The following DNAJC11 variants were observed in gnomAD, a reference collection of about 807,000 sequenced individuals.
The protein encoded by DNAJC11 is dnaJ homolog subfamily C member 11.
A neutral mutation model predicts 78.6 loss-of-function variants in DNAJC11; 15 were observed. The ratio of observed to expected loss-of-function variants is 0.19; its 90% confidence interval spans 0.13 to 0.29. The LOEUF (loss-of-function observed/expected upper bound fraction) is 0.29, where lower values mean the gene tolerates loss of function less well. Ranked by LOEUF, DNAJC11 falls within the 10% of genes least tolerant of loss-of-function variation. DNAJC11 has a pLI of 1.00. For synonymous variants in DNAJC11, 292 were observed against 272.1 expected, an observed-to-expected ratio of 1.07 and a Z score of -0.72; for missense variants, 547 against 709.6, an observed-to-expected ratio of 0.77 and a Z score of 2.60.
intron 4 of DNAJC11, 126 bp from the exon 5 acceptor site, chr1:6,654,165 A>C (rs1642095198): frequency 8.4e-7 from 1 of 1,195,696 alleles, no homozygotes. Flanking sequence ...CACTGGGTTT[A>C]GGTAGGACAC....
At position 6,635,825 on chromosome 1, in the gene DNAJC11, C is replaced by T. The variant is rs888356050; in HGVS notation, c.1655-125G>A. The T allele has an allele frequency of 2.5e-6, 3 of 1,222,142 alleles. No individual in the cohort carries two copies. The Admixed American group carries it at 6.5e-5, about 26-fold the overall frequency. The allele number at this position is 1,222,142 out of a possible 1,614,324, so 75.7% of individuals were successfully genotyped here. On this transcript the variant is annotated intron_variant, in intron 15 of 15. Coordinates refer to ENST00000377577, the MANE Select transcript of DNAJC11 (RefSeq NM_018198.4). ...GGGCCCAGGCGAGGCAGAGCACCCG[C>T]TGCTGAAAATCAACTGCTGCTGGAA... is the stretch of plus-strand genomic sequence containing the variant.
intron 4 of DNAJC11, among the ~76,000 whole-genome samples, chr1:6,658,049 G>A (rs901077786): frequency 2.6e-5 from 4 of 152,180 alleles, no homozygotes; most frequent in Admixed American, 2.6e-4. Context: ...ATCTTCACCA[G>A]GACTAGGTTC....
At chr1:6,642,001 G>C (rs1450268427) in intron 10 of DNAJC11, among the ~76,000 whole-genome samples, 1 of 152,140 alleles carries the variant, frequency 6.6e-6, no homozygotes, top group Non-Finnish European at 1.5e-5. Context: ...GGTGAATTAG[G>C]GGACATTTGA....
At chr1:6,644,530 T>C (rs1301904798) in intron 10 of DNAJC11, 28 bp downstream of exon 10, 1 of 1,502,218 alleles carries the variant, frequency 6.7e-7, no homozygotes, top group Non-Finnish European at 9.3e-7. Context: ...AGGCATTCCT[T>C]GACCCGAAAG....
chr1:6,637,815 AC>A, intron 12 of DNAJC11: 2 of 502,064 alleles, frequency 4.0e-6, no homozygotes, highest in Admixed American at 3.5e-5. Context: ...CAATAAAAAA[AC>A]AATGCGTTGT....
chr1:6,644,022 C>T (rs1260202817), intron 10 of DNAJC11, among the ~76,000 whole-genome samples: 1 of 152,068 alleles, frequency 6.6e-6, no homozygotes, highest in African/African-American at 2.4e-5. Context: ...AGGCACCCGC[C>T]ACCACCCCTG....
chr1:6,643,742 G>A (rs566658329), intron 10 of DNAJC11, among the ~76,000 whole-genome samples: 48 of 152,308 alleles, frequency 3.2e-4, no homozygotes, highest in African/African-American at 1.1e-3. Context: ...AGTGACTCCA[G>A]GAGGACTGGG....
chr1:6,671,744 G>T (rs960071830), intron 3 of DNAJC11, among the ~76,000 whole-genome samples: 1 of 151,862 alleles, frequency 6.6e-6, no homozygotes, highest in Non-Finnish European at 1.5e-5. Flanking sequence ...GTATTAGCCA[G>T]GATGGTCTTG....
Position 6,657,793 on chromosome 1 carries a change from T to C in DNAJC11, c.379-3754A>G, listed in dbSNP as rs536167583. Among the ~76,000 whole-genome samples the C allele has an allele frequency of 2.2e-3, 341 of 152,118 alleles. 1 individual carries two copies. The highest frequency in any genetic ancestry group is 6.6e-3 in the African/African-American group (272 of 41,490). On this transcript the variant is annotated intron_variant, in intron 4 of 15. Coordinates refer to ENST00000377577, the MANE Select transcript of DNAJC11 (RefSeq NM_018198.4). Reference sequence around the variant, plus strand: ...CCGAGTAGCTGGGACTACAGGCGCCTGCCACCACGCCCGGCTAATTTTTTT... The same window carrying C: ...CCGAGTAGCTGGGACTACAGGCGCCCGCCACCACGCCCGGCTAATTTTTTT...
rs149902609 is a variant in DNAJC11 at position 6,692,817 on chromosome 1, G to A, written c.72+8912C>T. Among the ~76,000 whole-genome samples the A allele has an allele frequency of 3.0e-4, 45 of 152,036 alleles. No individual in the cohort carries two copies. In the East Asian group the frequency reaches 8.7e-3, roughly 29 times the overall value. ...GTAGAGATGGGGTTTCTCCATGTTG[G>A]TCACGCTGGTCTCAAACTCCCGACT... is the stretch of plus-strand genomic sequence containing the variant. On this transcript the variant is annotated intron_variant, in intron 1 of 15. Transcript: ENST00000377577.
chr1:6,681,815 G>C (rs1470308177), intron 1 of DNAJC11, among the ~76,000 whole-genome samples: 1 of 152,164 alleles, frequency 6.6e-6, no homozygotes, highest in Non-Finnish European at 1.5e-5. Context: ...CACTGAGCGG[G>C]CTATGTGGCT....
In DNAJC11 at chr1:6,660,192, T is replaced by C. The variant is rs1410391207; in HGVS notation, c.379-6153A>G. 2.0e-5 allele frequency among the ~76,000 whole-genome samples: 3 copies of C among 150,516 alleles called. No individual in the cohort carries two copies. The East Asian group carries it at 5.9e-4, about 30-fold the overall frequency. On this transcript the variant is annotated intron_variant, in intron 4 of 15. Transcript: ENST00000377577. ...TTTTTTTTGAGACAGAATCTCACTC[T>C]GTTGCCCAGGCTGGAGTGCAGTGGC...
Position 6,636,144 on chromosome 1 carries a change from T to A in DNAJC11, c.1627A>T (p.Ser543Cys). The A allele has an allele frequency of 6.2e-7, 1 of 1,614,130 alleles. No homozygotes were observed. Among genetic ancestry groups the A allele is most frequent in the Non-Finnish European group, 8.5e-7 (1 of 1,180,004 alleles). Reference protein sequence around the residue: ...GVLHQVMVLDSEALRIPKQSH... With the variant: ...GVLHQVMVLDCEALRIPKQSH... The stretch of plus-strand genomic sequence containing the variant: ...TGCTTTGGTATCCGGAGGGCCTCAC[T>A]GTCCAGCACCATCACCTGATGCAGG... The change falls in exon 15 of 16, where the codon AGT becomes TGT. Residue 543 changes from serine (S) to cysteine (C), a missense_variant. Ser to Cys is a moderately radical substitution (Grantham distance 112, BLOSUM62 -1). Transcript: ENST00000377577.
rs774995067 is a variant in DNAJC11, at chr1:6,637,211, G to T, written c.1511C>A (p.Thr504Lys). Residue 504 changes from threonine to lysine, a missense_variant, in exon 14 of 16, where the codon ACG (threonine) becomes AAG (lysine). Transcript: ENST00000377577. Reference sequence around the variant, plus strand: ...GTGCTGCTGTACCTTGGAGGCCTCCGTGAGGATGAGCTTCGAGTCCTTCAC... The same window carrying T: ...GTGCTGCTGTACCTTGGAGGCCTCCTTGAGGATGAGCTTCGAGTCCTTCAC... ...CLVKDSKLIL[T>K]EASKAGLPGF... 2 of 1,614,046 alleles carry T rather than the reference G, an allele frequency of 1.2e-6. No individual in the cohort carries two copies. Among genetic ancestry groups the T allele is most frequent in the Non-Finnish European group, 1.7e-6 (2 of 1,180,032 alleles).
intron 1 of DNAJC11, among the ~76,000 whole-genome samples, chr1:6,697,329 T>G (rs1642853205): frequency 1.3e-5 from 2 of 152,212 alleles, no homozygotes; most frequent in Non-Finnish European, 2.9e-5. Flanking sequence ...CAATGGGGTC[T>G]CCAACCTTTT....
chr1:6,699,748 T>A (rs1463556980), intron 1 of DNAJC11, among the ~76,000 whole-genome samples: 2 of 151,058 alleles, frequency 1.3e-5, no homozygotes, highest in Non-Finnish European at 2.9e-5. Context: ...GAACTTAAAG[T>A]ATAATTTAAA....
At position 6,634,371 on chromosome 1, in the gene DNAJC11, C is replaced by G; in HGVS notation, c.*1304G>C. ...TTTTAAAAAATGGAGATGAATGTTA[C>G]AGAATTGGACAACCCGAACTGCTTT... On this transcript the variant is annotated 3_prime_UTR_variant, in exon 16 of 16. Coordinates refer to ENST00000377577, the MANE Select transcript of DNAJC11 (RefSeq NM_018198.4). 1 of 1,136,410 alleles carries G rather than the reference C, an allele frequency of 8.8e-7. No individual in the cohort carries two copies. Among genetic ancestry groups the G allele is most frequent in the East Asian group, 3.7e-5 (1 of 27,146 alleles). The allele number at this position is 1,136,410 out of a possible 1,614,324, so 70.4% of individuals were successfully genotyped here. A position where few individuals can be genotyped will look rare whatever the true frequency, so the allele number is the denominator to read the frequency against.
chr1:6,682,488 C>T (rs982333700), intron 1 of DNAJC11, among the ~76,000 whole-genome samples: 55 of 152,152 alleles, frequency 3.6e-4, no homozygotes, highest in African/African-American at 1.2e-3. Flanking sequence ...GAGGGGGCAG[C>T]GGTGCTGGGG....
At chr1:6,650,897 T>G (rs1273650860) in intron 7 of DNAJC11, 1 of 322,836 alleles carries the variant, frequency 3.1e-6, no homozygotes, top group Non-Finnish European at 6.4e-6. Flanking sequence ...ATAAATAAAA[T>G]AAACTCCATG....
Sources: gnomAD v4.1 joint callset for allele counts (sites outside exome capture counted in the v4.1 genomes callset) on GRCh38, gnomAD v4.1.1 for gene constraint, MANE v1.5 for transcripts, NCBI Gene and HGNC (gene_info 2026-07-23, HGNC 2026-07-21) for gene names.